The following IFRD1 variants were observed in gnomAD, a reference collection of about 807,000 sequenced individuals.
The protein encoded by IFRD1 is interferon related developmental regulator 1.
IFRD1 carries 35 observed loss-of-function variants against 52.9 expected under a neutral mutation model. The observed-to-expected ratio is 0.66, with a 90% CI of 0.51 to 0.88. The LOEUF (loss-of-function observed/expected upper bound fraction) is 0.88, where lower values mean the gene tolerates loss of function less well. IFRD1 is among the 40% of genes least tolerant of loss of function. The pLI is 0.00. For synonymous variants in IFRD1, 184 were observed against 188.4 expected (o/e 0.98, Z 0.19); for missense variants, 517 against 550.8 (o/e 0.94, Z 0.61).
At chr7:112,468,323 A>C (rs142582075) in intron 9 of IFRD1, among the ~76,000 whole-genome samples, 51 of 150,128 alleles carry the variant, frequency 3.4e-4, no homozygotes, top group African/African-American at 1.2e-3. Flanking sequence ...AAGATACTTT[A>C]TTTTAGTTTT....
rs79685357 is a variant in IFRD1 at position 112,432,232 on chromosome 7, C to T, written c.-182+8800C>T. Among the ~76,000 whole-genome samples the T allele has an allele frequency of 5.3e-3, 803 of 152,274 alleles. 7 individuals are homozygous for T. The highest frequency in any genetic ancestry group is 0.018 in the African/African-American group (741 of 41,568). The stretch of plus-strand genomic sequence containing the variant: ...GTAACTGTAAGTGGTACAGAGTGTA[C>T]AGTTTTTAGAATTCTCACTATAGTG... On this transcript the variant is annotated intron_variant, in intron 1 of 12. Coordinates refer to the IFRD1 transcript ENST00000005558.
chr7:112,435,655 T>TGTGTGTGTGTGTGTGTGTGCGC (rs775779479), intron 1 of IFRD1: 31 of 149,142 alleles, frequency 2.1e-4, no homozygotes, highest in African/African-American at 6.6e-4. Flanking sequence ...TGTGTGTGTG[T>TGTGTGTGTGTGTGTGTGTGCGC]GCGTGCTTGT....
chr7:112,431,937 C>G (rs1794556662), intron 1 of IFRD1, among the ~76,000 whole-genome samples: 1 of 152,170 alleles, frequency 6.6e-6, no homozygotes, highest in Non-Finnish European at 1.5e-5. Flanking sequence ...TCATCTACAT[C>G]CTATGTGCTC....
At chr7:112,428,620 C>G (rs1338901223) in intron 1 of IFRD1, among the ~76,000 whole-genome samples, 1 of 152,124 alleles carries the variant, frequency 6.6e-6, no homozygotes, top group East Asian at 1.9e-4. Flanking sequence ...CTGTTAGTGG[C>G]TTAGCTATCA....
At chr7:112,454,665 TTAACA>T (rs1795243249) in intron 1 of IFRD1, among the ~76,000 whole-genome samples, 1 of 152,164 alleles carries the variant, frequency 6.6e-6, no homozygotes, top group East Asian at 1.9e-4. Flanking sequence ...TTAATTCCCC[TTAACA>T]TAAGACATGT....
upstream of IFRD1, among the ~76,000 whole-genome samples, chr7:112,445,899 A>T (rs34231610): frequency 0.2 from 29,649 of 151,440 alleles, 3,734 homozygotes; most frequent in Non-Finnish European, 0.28. Flanking sequence ...AATACATATT[A>T]AAAAAAAAGA....
At chr7:112,469,236 C>T (rs991923538) in intron 9 of IFRD1, among the ~76,000 whole-genome samples, 1 of 152,074 alleles carries the variant, frequency 6.6e-6, no homozygotes, top group Non-Finnish European at 1.5e-5. Context: ...GAGACCCCAC[C>T]CCAGATCCAG....
At chr7:112,459,385 G>C (rs75588443) in intron 5 of IFRD1, among the ~76,000 whole-genome samples, 28,425 of 152,000 alleles carry the variant, frequency 0.19, 3,584 homozygotes, top group East Asian at 0.66. Flanking sequence ...TTGGGTTTTG[G>C]GGGTTTTATT....
At chr7:112,443,583 C>A (rs1160355374) in intron 1 of IFRD1, among the ~76,000 whole-genome samples, 1 of 145,510 alleles carries the variant, frequency 6.9e-6, no homozygotes, top group Non-Finnish European at 1.5e-5. Flanking sequence ...AAAAGCCCCC[C>A]AAAAACGGCC....
At chr7:112,444,749 C>T (rs1240544817) in intron 1 of IFRD1, among the ~76,000 whole-genome samples, 1 of 152,066 alleles carries the variant, frequency 6.6e-6, no homozygotes, top group East Asian at 1.9e-4. Flanking sequence ...GCAAATAAAA[C>T]CCATGACTCT....
chr7:112,452,628 G>T (rs4730548), intron 1 of IFRD1: 23,069 of 177,612 alleles, frequency 0.13, 1,723 homozygotes, highest in South Asian at 0.3. Flanking sequence ...CTTTAATCCC[G>T]TCTAAAGTTT....
rs1363830459 is a variant in IFRD1, at chr7:112,450,736, TGGC to T, written c.57_59del (p.Gly20del). The stretch of plus-strand genomic sequence containing the variant: ...ACACTCCCCACCGCGGTAGCAGTGC[TGGC>T]GGCGGCGGGTCAGGAGCAGCCGCAG... On this transcript the variant is annotated inframe_deletion, in exon 1 of 12. Transcript: ENST00000403825. 6.2e-7 allele frequency: 1 copy of T among 1,612,640 alleles called. No homozygotes were observed. Among genetic ancestry groups the T allele is most frequent in the Non-Finnish European group, 8.5e-7 (1 of 1,179,802 alleles).
intron 1 of IFRD1, among the ~76,000 whole-genome samples, chr7:112,424,017 G>T (rs1364951557): frequency 6.6e-6 from 1 of 152,120 alleles, no homozygotes; most frequent in Non-Finnish European, 1.5e-5. Context: ...TTATTCCAAA[G>T]CTTAGCTTAT....
At chr7:112,437,437 T>C (rs1794730963) in intron 1 of IFRD1, among the ~76,000 whole-genome samples, 1 of 152,144 alleles carries the variant, frequency 6.6e-6, no homozygotes, top group Non-Finnish European at 1.5e-5. Context: ...ATCAATACCA[T>C]GTGCCAGGCA....
chr7:112,457,834 A>C (rs1584490526), intron 4 of IFRD1: 1 of 152,236 alleles, frequency 6.6e-6, no homozygotes, highest in East Asian at 1.9e-4. Context: ...TATAGCACCA[A>C]AAATGTAGAA....
chr7:112,427,375 G>T (rs1220915292), intron 1 of IFRD1, among the ~76,000 whole-genome samples: 8 of 152,126 alleles, frequency 5.3e-5, no homozygotes, highest in Non-Finnish European at 1.2e-4. Flanking sequence ...AAGGTGGCAG[G>T]GCTAGCATGT....
intron 5 of IFRD1, chr7:112,461,491 G>A: frequency 6.3e-6 from 1 of 159,196 alleles, no homozygotes; most frequent in South Asian, 1.9e-4. Flanking sequence ...CTTTCAGAAT[G>A]CTTTACTGAC....
At chr7:112,459,608 ATTACTTAAGGTAAGTAATAATG>A (rs1279814943) in intron 5 of IFRD1, among the ~76,000 whole-genome samples, 5 of 152,216 alleles carry the variant, frequency 3.3e-5, no homozygotes, top group Non-Finnish European at 5.9e-5. Context: ...CCTTGTTAGT[ATTACTTAAGGTAAGTAATAATG>A]TTACTTAAGG....
rs1795127381 is a variant in IFRD1 at position 112,450,545 on chromosome 7, C to T, written c.-144C>T. On this transcript the variant is annotated 5_prime_UTR_variant, in exon 1 of 12. Transcript: ENST00000403825. ...ATTTCTGCTGCCGCCACCGCCCACT[C>T]TTACCCCCGCCGCTTCTCGACTCTG... 1 of 694,596 alleles carries T rather than the reference C, an allele frequency of 1.4e-6. No individual in the cohort carries two copies. 43.0% of individuals were successfully genotyped at this position (694,596 alleles called of 1,614,324 possible).
Sources: allele counts gnomAD v4.1 joint callset (sites outside exome capture counted in the v4.1 genomes callset), GRCh38; gene constraint gnomAD v4.1.1; transcripts MANE v1.5; gene names NCBI Gene and HGNC (gene_info 2026-07-23, HGNC 2026-07-21).